Variants in TRPM2 observed in about 807,000 individuals in gnomAD.
The protein encoded by TRPM2 is transient receptor potential cation channel subfamily M member 2, also known as estrogen-responsive element-associated gene 1 protein.
Under a neutral mutation model 174.0 loss-of-function variants are expected in TRPM2, and 161 were observed. The observed-to-expected ratio is 0.93, with a 90% CI of 0.81 to 1.05. The LOEUF is 1.05. Among genes scored for constraint, TRPM2 ranks in the 50% least tolerant of loss-of-function variants. The pLI is 0.00. For synonymous variants in TRPM2, 954 were observed against 861.3 expected (o/e 1.11, Z -1.88); for missense variants, 2,057 against 2,038.0 (o/e 1.01, Z -0.18).
chr21:44,384,166 A>G (rs1159308973), intron 9 of TRPM2, among the ~76,000 whole-genome samples: 1 of 152,254 alleles, frequency 6.6e-6, no homozygotes, highest in African/African-American at 2.4e-5. Context: ...AAATGAAAGT[A>G]GGGACATTAC....
chr21:44,361,455 C>T lies in TRPM2; in HGVS notation c.255-2659C>T, dbSNP rs532532240. ...AACTGCTGAATATTCCTTTCCCTTT[C>T]GCCTTGCCTGTGTCATTACACTTCA... On this transcript the variant is annotated intron_variant, in intron 2 of 31. Coordinates refer to ENST00000397928, the MANE Select transcript of TRPM2 (RefSeq NM_003307.4). Among the ~76,000 whole-genome samples, 5 of 152,276 alleles carry T rather than the reference C, an allele frequency of 3.3e-5. 1 individual carries two copies. The South Asian group carries it at 6.2e-4, about 19-fold the overall frequency.
At chr21:44,352,712 A>T (rs2123002552), upstream of TRPM2, among the ~76,000 whole-genome samples, 2 of 152,294 alleles carry the variant, frequency 1.3e-5, no homozygotes, top group South Asian at 4.1e-4. Flanking sequence ...TATGTTTCTC[A>T]TTTGTAAAGG....
At chr21:44,405,338 A>G (rs1002331235) in intron 17 of TRPM2, 78 bp downstream of exon 17, 12 of 1,575,462 alleles carry the variant, frequency 7.6e-6, no homozygotes, top group Non-Finnish European at 1.0e-5. Context: ...CGGGCCCAGA[A>G]CCAGCCACAC....
intron 9 of TRPM2, among the ~76,000 whole-genome samples, chr21:44,389,752 C>T (rs188519281): frequency 2.6e-5 from 4 of 152,052 alleles, no homozygotes; most frequent in Admixed American, 2.0e-4. Context: ...TTCCAGTTTT[C>T]GATTTGTAAG....
At chr21:44,402,665 C>A (rs1051508357) in intron 16 of TRPM2, among the ~76,000 whole-genome samples, 1 of 152,194 alleles carries the variant, frequency 6.6e-6, no homozygotes, top group Non-Finnish European at 1.5e-5. Context: ...CCTCATCAGG[C>A]GGACATTCCA....
intron 9 of TRPM2, among the ~76,000 whole-genome samples, chr21:44,389,913 C>T (rs2049122123): frequency 6.8e-6 from 1 of 146,764 alleles, no homozygotes; most frequent in South Asian, 2.1e-4. Context: ...CGCTCTGTTG[C>T]CCAGGCTGGA....
intron 16 of TRPM2, among the ~76,000 whole-genome samples, chr21:44,404,200 CAT>C (rs758074545): frequency 4.2e-4 from 64 of 152,010 alleles, no homozygotes; most frequent in African/African-American, 8.7e-4. Context: ...TGCAAATACA[CAT>C]ATACACAGAG....
At chr21:44,372,970 GTGT>G (rs911821465) in intron 5 of TRPM2, among the ~76,000 whole-genome samples, 3 of 152,158 alleles carry the variant, frequency 2.0e-5, no homozygotes, top group Admixed American at 6.5e-5. Context: ...CAAATTTGCA[GTGT>G]TGTTGTTGAT....
At chr21:44,422,410 A>G in intron 22 of TRPM2, 1 of 1,536,110 alleles carries the variant, frequency 6.5e-7, no homozygotes, top group East Asian at 2.4e-5. Flanking sequence ...TGTCTGGGAA[A>G]ACATGGCAGG....
intron 5 of TRPM2, among the ~76,000 whole-genome samples, chr21:44,370,742 C>T (rs1177999580): frequency 3.3e-5 from 5 of 152,204 alleles, no homozygotes; most frequent in Non-Finnish European, 7.3e-5. Flanking sequence ...ATGTGTCCGG[C>T]GGGGTCGGAC....
chr21:44,361,271 C>G (rs2048201004), intron 2 of TRPM2, among the ~76,000 whole-genome samples: 1 of 152,160 alleles, frequency 6.6e-6, no homozygotes, highest in Non-Finnish European at 1.5e-5. Flanking sequence ...CGCCACCACG[C>G]CTGGCTAATT....
rs776134566 is a variant in TRPM2, at chr21:44,440,811, A to C, written c.4292A>C (p.Asp1431Ala). The C allele has an allele frequency of 1.9e-6, 3 of 1,613,854 alleles. No individual in the cohort carries two copies. The highest frequency in any genetic ancestry group is 2.5e-6 in the Non-Finnish European group (3 of 1,179,958). Reference sequence around the variant, plus strand: ...CAGGTGTACAAAGGCTACATGGATGACCCGAGGAACACGGACAATGCCTGG... The same window carrying C: ...CAGGTGTACAAAGGCTACATGGATGCCCCGAGGAACACGGACAATGCCTGG... ...GMEVYKGYMD[D>A]PRNTDNAWIE... The change falls in exon 31 of 32, where the codon GAC (aspartate) becomes GCC (alanine). Residue 1431 changes from aspartate (D) to alanine (A), a missense_variant. Coordinates refer to ENST00000397928, the MANE Select transcript of TRPM2 (RefSeq NM_003307.4).
At chr21:44,387,549 G>A (rs2049048645) in intron 9 of TRPM2, among the ~76,000 whole-genome samples, 1 of 152,076 alleles carries the variant, frequency 6.6e-6, no homozygotes, top group Non-Finnish European at 1.5e-5. Flanking sequence ...AGATAAATTG[G>A]ACTTTATGAA....
intron 27 of TRPM2, among the ~76,000 whole-genome samples, chr21:44,431,045 T>A (rs987321835): frequency 6.6e-6 from 1 of 151,882 alleles, no homozygotes; most frequent in Non-Finnish European, 1.5e-5. Flanking sequence ...GTTGATTATC[T>A]TAATTTTTCG....
In TRPM2 at chr21:44,400,254, C is replaced by T. The variant is rs370858750; in HGVS notation, c.2209-5C>T. 9.4e-5 allele frequency: 151 copies of T among 1,610,980 alleles called. No homozygotes were observed. The highest frequency in any genetic ancestry group is 1.2e-4 in the Non-Finnish European group (140 of 1,178,764). On this transcript the variant is annotated splice_polypyrimidine_tract_variant and splice_region_variant and intron_variant, in intron 14 of 31. Coordinates refer to ENST00000397928, the MANE Select transcript of TRPM2 (RefSeq NM_003307.4). ...CTGCCATCCTGAGACTGCCCCCATC[C>T]GCAGGCCTTCCTGACCAAGGTGTGG...
Position 44,427,084 on chromosome 21 carries a change from C to A in TRPM2, c.3947C>A (p.Pro1316Gln), listed in dbSNP as rs199565483. 1.9e-6 allele frequency: 3 copies of A among 1,603,904 alleles called. No individual in the cohort carries two copies. The South Asian group carries it at 3.4e-5, about 18-fold the overall frequency. ...AGGGACCGCCGGAGCTTCCACGGGCCGTACACAGTGCAGGCCGGGTTGCCC... is the reference window on the plus strand; with the variant it reads ...AGGGACCGCCGGAGCTTCCACGGGCAGTACACAGTGCAGGCCGGGTTGCCC... Reference protein sequence around the residue: ...GLRDRRSFHGPYTVQAGLPLN... With the variant: ...GLRDRRSFHGQYTVQAGLPLN... The change falls in exon 27 of 32, where the codon CCG becomes CAG. Residue 1316 changes from proline to glutamine, a missense_variant. Transcript: ENST00000397928.
chr21:44,398,485 A>G (rs975527739), intron 13 of TRPM2, among the ~76,000 whole-genome samples: 3 of 152,076 alleles, frequency 2.0e-5, no homozygotes, highest in Non-Finnish European at 4.4e-5. Flanking sequence ...ACAGGCGTGA[A>G]CCACCACGCC....
upstream of TRPM2, among the ~76,000 whole-genome samples, chr21:44,352,153 G>C (rs1057266664): frequency 6.6e-6 from 1 of 152,252 alleles, no homozygotes; most frequent in African/African-American, 2.4e-5. Context: ...CTCGGAAGCT[G>C]GTTGTGAAGC....
At position 44,366,676 on chromosome 21, in the gene TRPM2, C is replaced by A; in HGVS notation, c.424-78C>A. 1 of 1,602,640 alleles carries A rather than the reference C, an allele frequency of 6.2e-7. No homozygotes were observed. Among genetic ancestry groups the A allele is most frequent in the Non-Finnish European group, 8.5e-7 (1 of 1,174,630 alleles). Reference sequence around the variant, plus strand: ...GTGTCTGCCGCCCGCTGGGGCCTCTCTGCATGGCCTGTGTGGGTCGGTGCT... The same window carrying A: ...GTGTCTGCCGCCCGCTGGGGCCTCTATGCATGGCCTGTGTGGGTCGGTGCT... On this transcript the variant is annotated intron_variant, in intron 3 of 31. Transcript: ENST00000397928. The surrounding 1 kb of genome is among the most constrained non-coding windows in gnomAD (Gnocchi z 6.0).
Sources: allele counts gnomAD v4.1 joint callset (sites outside exome capture counted in the v4.1 genomes callset), GRCh38; gene constraint gnomAD v4.1.1; non-coding constraint Gnocchi (gnomAD v3.1); transcripts MANE v1.5; gene names NCBI Gene and HGNC (gene_info 2026-07-23, HGNC 2026-07-21).